The following SUGCT variants were observed in gnomAD, a reference collection of about 807,000 sequenced individuals.
SUGCT encodes the protein succinyl-CoA:glutarate-CoA transferase.
A neutral mutation model predicts 55.0 loss-of-function variants in SUGCT; 41 were observed. That is an observed-to-expected ratio of 0.74 (90% CI 0.58 to 0.97). The LOEUF is 0.97. Ranked by LOEUF, SUGCT falls within the 50% of genes least tolerant of loss-of-function variation. The pLI is 0.00. For synonymous variants in SUGCT, 187 were observed against 200.4 expected (o/e 0.93, Z 0.56); for missense variants, 568 against 547.8 (o/e 1.04, Z -0.37).
chr7:41,026,968 G>T, the SUGCT span, among the ~76,000 whole-genome samples: 2 of 152,124 alleles, frequency 1.3e-5, no homozygotes, highest in African/African-American at 2.4e-5. Flanking sequence ...GGTGGCAGAG[G>T]CTGCAGTGAG....
At chr7:40,642,254 A>T (rs1023662671) in intron 12 of SUGCT, among the ~76,000 whole-genome samples, 1 of 152,222 alleles carries the variant, frequency 6.6e-6, no homozygotes, top group African/African-American at 2.4e-5. Context: ...ACTTTCGATG[A>T]TGTTCTTGGG....
chr7:40,346,805 C>T (rs190925657), intron 9 of SUGCT, among the ~76,000 whole-genome samples: 17 of 152,276 alleles, frequency 1.1e-4, no homozygotes, highest in African/African-American at 4.1e-4. Context: ...CTAGAGAGTT[C>T]TCTCTTTCTC....
intron 12 of SUGCT, among the ~76,000 whole-genome samples, chr7:40,549,099 T>A (rs141111902): frequency 1.4e-3 from 206 of 152,294 alleles, no homozygotes; most frequent in African/African-American, 4.8e-3. Context: ...CACTTGTGAA[T>A]GTATGGATTA....
rs1245347022 is a variant in SUGCT at position 40,499,741 on chromosome 7, TA to T, written c.1089+3356del. ...TGCATTATAGATGTATAATATAGAT[TA>T]TCTGCATATAGATTTTAATAGCCAG... On this transcript the variant is annotated intron_variant, in intron 12 of 13. Transcript: ENST00000335693. Among the ~76,000 whole-genome samples the T allele has an allele frequency of 2.6e-5, 4 of 152,220 alleles. No homozygotes were observed. In the East Asian group the frequency reaches 7.7e-4, roughly 29 times the overall value.
chr7:40,753,046 T>C (rs4085302), intron 13 of SUGCT, among the ~76,000 whole-genome samples: 143 of 152,162 alleles, frequency 9.4e-4, no homozygotes, highest in Non-Finnish European at 1.6e-3. Context: ...GAATTCCTCA[T>C]GAGAGGGGAA....
chr7:40,526,338 C>A (rs1161697556), intron 12 of SUGCT, among the ~76,000 whole-genome samples: 1 of 152,040 alleles, frequency 6.6e-6, no homozygotes, highest in Admixed American at 6.6e-5. Flanking sequence ...CTCAGTTAGC[C>A]CTCAATAGCT....
chr7:40,412,855 T>G (rs558943092), intron 9 of SUGCT, among the ~76,000 whole-genome samples: 2 of 152,192 alleles, frequency 1.3e-5, no homozygotes, highest in Non-Finnish European at 2.9e-5. Flanking sequence ...AGAGTTTTCT[T>G]TAATATATGA....
At chr7:40,993,509 C>G in the SUGCT span, among the ~76,000 whole-genome samples, 7 of 152,196 alleles carry the variant, frequency 4.6e-5, no homozygotes, top group Non-Finnish European at 8.8e-5. Flanking sequence ...GAAAGGCTTT[C>G]TGTGTCACTG....
the SUGCT span, among the ~76,000 whole-genome samples, chr7:40,989,491 G>A: frequency 1.3e-5 from 2 of 152,074 alleles, no homozygotes; most frequent in African/African-American, 2.4e-5. Context: ...TCCTTGGCTG[G>A]CATGGTGGCT....
At chr7:40,444,367 C>A (rs930201478) in intron 9 of SUGCT, among the ~76,000 whole-genome samples, 1 of 152,034 alleles carries the variant, frequency 6.6e-6, no homozygotes, top group Non-Finnish European at 1.5e-5. Flanking sequence ...GTGGAATGTT[C>A]TTCCATTTGT....
chr7:40,761,382 T>C (rs1450435082), intron 13 of SUGCT, among the ~76,000 whole-genome samples: 1 of 152,214 alleles, frequency 6.6e-6, no homozygotes, highest in Non-Finnish European at 1.5e-5. Flanking sequence ...GCAGAGGTCA[T>C]AGATAACACT....
rs184865246 is a variant in SUGCT at position 40,141,117 on chromosome 7, A to T, written c.100+5997A>T. ...TTTTTTTGTAGCTATCATAAATGGGACTGCCTTCTTGGTTTCGTCCTCGGG... is the reference window on the plus strand; with the variant it reads ...TTTTTTTGTAGCTATCATAAATGGGTCTGCCTTCTTGGTTTCGTCCTCGGG... On this transcript the variant is annotated intron_variant, in intron 1 of 13. Transcript: ENST00000335693. Among the ~76,000 whole-genome samples, 80 of 150,382 alleles carry T rather than the reference A, an allele frequency of 5.3e-4. 1 individual carries two copies. The South Asian group carries it at 9.0e-3, about 17-fold the overall frequency.
chr7:40,406,925 T>C (rs1408282350), intron 9 of SUGCT, among the ~76,000 whole-genome samples: 1 of 152,196 alleles, frequency 6.6e-6, no homozygotes, highest in Non-Finnish European at 1.5e-5. Flanking sequence ...CTATTTTTGC[T>C]AAGCTTTAAA....
rs183695744 is a variant in SUGCT, at chr7:40,456,333, A to G, written c.889-2768A>G. ...TGAGCCACCGCCCCTGGCTGCAACT[A>G]AAAAGTGATTTTAGACATAATTGAA... On this transcript the variant is annotated intron_variant, in intron 10 of 13. Transcript: ENST00000335693. Among the ~76,000 whole-genome samples the G allele has an allele frequency of 8.5e-5, 13 of 152,288 alleles. No individual in the cohort carries two copies. In the East Asian group the frequency reaches 2.3e-3, roughly 27 times the overall value.
At chr7:40,469,558 C>G (rs967281727) in intron 11 of SUGCT, among the ~76,000 whole-genome samples, 5 of 152,210 alleles carry the variant, frequency 3.3e-5, no homozygotes, top group African/African-American at 1.2e-4. Context: ...CTCTGGAAAG[C>G]ATCCCTTTGG....
At chr7:40,745,525 T>C (rs1397352260) in intron 12 of SUGCT, among the ~76,000 whole-genome samples, 1 of 152,178 alleles carries the variant, frequency 6.6e-6, no homozygotes, top group Non-Finnish European at 1.5e-5. Flanking sequence ...TGTCAATCTG[T>C]AAAACGCTTG....
chr7:40,846,788 C>T (rs189493123), intron 13 of SUGCT, among the ~76,000 whole-genome samples: 9 of 152,300 alleles, frequency 5.9e-5, no homozygotes, highest in East Asian at 3.9e-4. Flanking sequence ...TTAACGAGCA[C>T]GCACTTTGTA....
At chr7:40,732,693 C>T (rs1449770380) in intron 12 of SUGCT, among the ~76,000 whole-genome samples, 1 of 152,184 alleles carries the variant, frequency 6.6e-6, no homozygotes, top group Non-Finnish European at 1.5e-5. Context: ...GATACTTAAG[C>T]AGGGCAGAGG....
At chr7:40,841,038 A>G (rs1563041199) in intron 13 of SUGCT, among the ~76,000 whole-genome samples, 1 of 152,078 alleles carries the variant, frequency 6.6e-6, no homozygotes. Flanking sequence ...AGTGTAATCC[A>G]AGGAGGACTC....
Sources: gnomAD v4.1 joint callset for allele counts (sites outside exome capture counted in the v4.1 genomes callset) on GRCh38, gnomAD v4.1.1 for gene constraint, MANE v1.5 for transcripts, NCBI Gene and HGNC (gene_info 2026-07-23, HGNC 2026-07-21) for gene names.